Variants in RFC3 observed in about 807,000 individuals in gnomAD.
RFC3 encodes the protein A1 38 kDa subunit.
Under a neutral mutation model 45.1 loss-of-function variants are expected in RFC3, and 41 were observed. The ratio of observed to expected loss-of-function variants is 0.91; its 90% confidence interval spans 0.71 to 1.18. The LOEUF (loss-of-function observed/expected upper bound fraction) is 1.18. RFC3 is among the 50% of genes most tolerant of loss of function. RFC3 has a pLI of 0.00. For missense variants in RFC3, 423 were observed against 428.1 expected, an observed-to-expected ratio of 0.99 and a Z score of 0.10; for synonymous variants, 149 against 144.0, an observed-to-expected ratio of 1.03 and a Z score of -0.25.
rs368914418 is a variant in RFC3, at chr13:33,831,298, G to C, written c.753G>C (p.Trp251Cys). The C allele has an allele frequency of 5.0e-6, 8 of 1,610,912 alleles. No homozygotes were observed. Among genetic ancestry groups the C allele is most frequent in the Non-Finnish European group, 6.8e-6 (8 of 1,177,236 alleles). Residue 251 changes from tryptophan (W) to cysteine (C), a missense_variant, in exon 7 of 9, where the codon TGG (tryptophan) becomes TGC (cysteine). Transcript: ENST00000380071. The stretch of plus-strand genomic sequence containing the variant: ...ATCAAGAAATCCCTGAGACAGATTG[G>C]GAGGTGTATCTGAGGGAGACTGCAA... ...TADQEIPETD[W>C]EVYLRETANA...
At chr13:33,939,363 T>C (rs576853549) in intron 8 of RFC3, among the ~76,000 whole-genome samples, 150 of 152,072 alleles carry the variant, frequency 9.9e-4, no homozygotes, top group African/African-American at 3.3e-3. Context: ...GAGCTGGAGA[T>C]TGGGCTCAGT....
the RFC3 span, among the ~76,000 whole-genome samples, chr13:33,972,163 G>A: frequency 6.6e-6 from 1 of 152,314 alleles, no homozygotes; most frequent in South Asian, 2.1e-4. Context: ...ACTTTTTGAT[G>A]TAGCCAACTT....
At chr13:33,925,059 A>ATATATATACACG (rs1566030484) in intron 8 of RFC3, among the ~76,000 whole-genome samples, 2 of 145,362 alleles carry the variant, frequency 1.4e-5, no homozygotes, top group Non-Finnish European at 3.0e-5. Flanking sequence ...ATATATATAC[A>ATATATATACACG]CATATATAGT....
At chr13:33,944,023 C>T (rs1199652815) in intron 8 of RFC3, among the ~76,000 whole-genome samples, 2 of 152,086 alleles carry the variant, frequency 1.3e-5, no homozygotes, top group Non-Finnish European at 2.9e-5. Flanking sequence ...AGATTTGACT[C>T]CAAGCTGCTT....
At chr13:33,923,800 C>G (rs139115826) in intron 8 of RFC3, among the ~76,000 whole-genome samples, 1 of 152,270 alleles carries the variant, frequency 6.6e-6, no homozygotes, top group East Asian at 1.9e-4. Context: ...CTGGCCCATT[C>G]TACACCAAGG....
intron 8 of RFC3, among the ~76,000 whole-genome samples, chr13:33,901,865 A>G (rs183186747): frequency 3.4e-4 from 52 of 152,176 alleles, no homozygotes; most frequent in African/African-American, 1.2e-3. Flanking sequence ...AAAAAACAAA[A>G]TCTCATGATC....
At chr13:33,841,270 C>T (rs1444822043), downstream of RFC3, among the ~76,000 whole-genome samples, 1 of 152,174 alleles carries the variant, frequency 6.6e-6, no homozygotes, top group Non-Finnish European at 1.5e-5. Context: ...GTCCCTGGTG[C>T]TAAAAAGGTT....
chr13:33,973,317 G>C, the RFC3 span, among the ~76,000 whole-genome samples: 1 of 152,216 alleles, frequency 6.6e-6, no homozygotes, highest in Admixed American at 6.5e-5. Context: ...TCACCAGAGA[G>C]AGCCTTCCTG....
intron 8 of RFC3, among the ~76,000 whole-genome samples, chr13:33,925,944 T>C (rs2137753168): frequency 6.6e-6 from 1 of 152,084 alleles, no homozygotes; most frequent in Non-Finnish European, 1.5e-5. Flanking sequence ...ACACAAATGA[T>C]AGAATTGCAA....
chr13:33,918,559 A>G (rs1409446405), intron 8 of RFC3, among the ~76,000 whole-genome samples: 1 of 152,174 alleles, frequency 6.6e-6, no homozygotes, highest in African/African-American at 2.4e-5. Flanking sequence ...CCAAAATGAC[A>G]TAGAAATGTT....
intron 8 of RFC3, among the ~76,000 whole-genome samples, chr13:33,901,967 C>T (rs1224475982): frequency 1.3e-5 from 2 of 151,880 alleles, no homozygotes; most frequent in Non-Finnish European, 2.9e-5. Context: ...GAGAAATATC[C>T]ACTTCCACCC....
At chr13:33,842,524 C>T (rs1023030768) in intron 8 of RFC3, among the ~76,000 whole-genome samples, 2 of 152,130 alleles carry the variant, frequency 1.3e-5, no homozygotes, top group South Asian at 4.1e-4. Flanking sequence ...CCCTTCTTTC[C>T]AGATCTCTGC....
At chr13:33,876,371 CAA>C (rs2082446651) in intron 8 of RFC3, among the ~76,000 whole-genome samples, 1 of 152,160 alleles carries the variant, frequency 6.6e-6, no homozygotes, top group Admixed American at 6.5e-5. Flanking sequence ...CTTTATTTTT[CAA>C]AGTTTTTGTT....
chr13:33,851,378 A>G (rs1464373833), intron 8 of RFC3, among the ~76,000 whole-genome samples: 2 of 152,208 alleles, frequency 1.3e-5, no homozygotes, highest in African/African-American at 2.4e-5. Context: ...ACTAATGTTG[A>G]CCAGAGCCTT....
At chr13:33,932,514 T>G (rs1287298587) in intron 8 of RFC3, among the ~76,000 whole-genome samples, 1 of 152,110 alleles carries the variant, frequency 6.6e-6, no homozygotes, top group Non-Finnish European at 1.5e-5. Flanking sequence ...AGTACTAAAA[T>G]GTGTTAGTCT....
downstream of RFC3, among the ~76,000 whole-genome samples, chr13:33,971,277 GT>G (rs2083108367): frequency 6.6e-6 from 1 of 152,150 alleles, no homozygotes; most frequent in Admixed American, 6.5e-5. Flanking sequence ...TGACCTTTGA[GT>G]TTTTATAAAA....
intron 8 of RFC3, among the ~76,000 whole-genome samples, chr13:33,860,852 G>A (rs1292536961): frequency 6.6e-6 from 1 of 152,058 alleles, no homozygotes; most frequent in Non-Finnish European, 1.5e-5. Flanking sequence ...ATGTCTTAAA[G>A]TAGCCAAATC....
intron 8 of RFC3, among the ~76,000 whole-genome samples, chr13:33,866,383 A>C (rs540819500): frequency 6.6e-6 from 1 of 152,226 alleles, no homozygotes; most frequent in South Asian, 2.1e-4. Context: ...GCTTACCTTC[A>C]TGGTCAGCTG....
chr13:33,909,842 A>C (rs1261527415), intron 8 of RFC3, among the ~76,000 whole-genome samples: 1 of 152,144 alleles, frequency 6.6e-6, no homozygotes, highest in Non-Finnish European at 1.5e-5. Context: ...GCATTTGCTC[A>C]GTAAGATTCA....
Sources: gnomAD v4.1 joint callset for allele counts (sites outside exome capture counted in the v4.1 genomes callset) on GRCh38, gnomAD v4.1.1 for gene constraint, MANE v1.5 for transcripts, NCBI Gene and HGNC (gene_info 2026-07-23, HGNC 2026-07-21) for gene names.